Variants in MAPT observed in about 807,000 individuals in gnomAD.
MAPT encodes microtubule associated protein tau, also known as microtubule-associated protein tau.
MAPT carries 34 observed loss-of-function variants against 67.9 expected under a neutral mutation model. That is an observed-to-expected ratio of 0.50 (90% CI 0.38 to 0.67). The LOEUF is 0.67. Ranked by LOEUF, MAPT falls within the 30% of genes least tolerant of loss-of-function variation. The pLI is 0.00. For missense variants in MAPT, 881 were observed against 1,115.2 expected (o/e 0.79, Z 2.99); for synonymous variants, 456 against 464.5 (o/e 0.98, Z 0.23).
At chr17:45,932,594 C>CAAAAA (rs982542546) in intron 1 of MAPT, among the ~76,000 whole-genome samples, 9 of 50,018 alleles carry the variant, frequency 1.8e-4, no homozygotes, top group Admixed American at 2.2e-4. Context: ...GACTCCATCT[C>CAAAAA]AAAAAAAAAA....
At chr17:45,904,703 T>TCG (rs2064179502) in intron 1 of MAPT, among the ~76,000 whole-genome samples, 1 of 151,462 alleles carries the variant, frequency 6.6e-6, no homozygotes, top group Non-Finnish European at 1.5e-5. Flanking sequence ...AAACTTTTTT[T>TCG]TTTTAATTCT....
At chr17:45,929,594 T>C (rs1453036668) in intron 1 of MAPT, among the ~76,000 whole-genome samples, 1 of 152,200 alleles carries the variant, frequency 6.6e-6, no homozygotes, top group Non-Finnish European at 1.5e-5. Flanking sequence ...ATGGTCATCA[T>C]CGCCAGGCTT....
At chr17:45,924,397 A>G (rs567451656) in intron 1 of MAPT, among the ~76,000 whole-genome samples, 1 of 152,072 alleles carries the variant, frequency 6.6e-6, no homozygotes, top group East Asian at 1.9e-4. Context: ...AGTGCGGTCG[A>G]CTCCCAGATA....
At chr17:46,004,330 T>A (rs894308775) in intron 9 of MAPT, among the ~76,000 whole-genome samples, 13 of 152,098 alleles carry the variant, frequency 8.5e-5, no homozygotes, top group African/African-American at 3.1e-4. Flanking sequence ...CTGCTTTGGG[T>A]GCTCCAGGAA....
chr17:45,988,038 C>A (rs1202586560), intron 6 of MAPT, among the ~76,000 whole-genome samples: 1 of 152,184 alleles, frequency 6.6e-6, no homozygotes, highest in Non-Finnish European at 1.5e-5. Flanking sequence ...AGATCTATTA[C>A]CCTGGGCCTC....
chr17:46,002,565 C>T (rs867344030), intron 9 of MAPT, among the ~76,000 whole-genome samples: 2 of 152,056 alleles, frequency 1.3e-5, no homozygotes, highest in African/African-American at 4.8e-5. Context: ...GTCACTTTCT[C>T]GGAGGATGTC....
At chr17:46,012,168 G>C (rs1423706115) in intron 10 of MAPT, among the ~76,000 whole-genome samples, 1 of 152,182 alleles carries the variant, frequency 6.6e-6, no homozygotes, top group Non-Finnish European at 1.5e-5. Context: ...GTCAAGTCTG[G>C]TGCCCTGGTG....
rs537828700 is a variant in MAPT, at chr17:45,923,869, C to T, written c.-18+29183C>T. Among the ~76,000 whole-genome samples the T allele has an allele frequency of 6.6e-5, 10 of 152,324 alleles. No homozygotes were observed. In the South Asian group the frequency reaches 2.1e-3, roughly 32 times the overall value. The stretch of plus-strand genomic sequence containing the variant: ...CATGAATTTGGGCAAGTCGCTCAAC[C>T]TCTCCATGCCTGAGTTTCCTCATCT... On this transcript the variant is annotated intron_variant, in intron 1 of 12. Coordinates refer to ENST00000262410, the MANE Select transcript of MAPT (RefSeq NM_001377265.1).
rs181811117 is a variant in MAPT at position 45,922,853 on chromosome 17, T to C, written c.-18+28167T>C. Among the ~76,000 whole-genome samples the C allele has an allele frequency of 9.2e-5, 14 of 152,154 alleles. No individual in the cohort carries two copies. The East Asian group carries it at 2.5e-3, about 27-fold the overall frequency. On this transcript the variant is annotated intron_variant, in intron 1 of 12. Coordinates refer to ENST00000262410, the MANE Select transcript of MAPT (RefSeq NM_001377265.1). Reference sequence around the variant, plus strand: ...AAAAAATGGTGTTAACTAAACTCAGTCTCAAATCCTGAATAGGACTCAAGT... The same window carrying C: ...AAAAAATGGTGTTAACTAAACTCAGCCTCAAATCCTGAATAGGACTCAAGT...
At chr17:46,021,774 C>T (rs530139364) in intron 12 of MAPT, among the ~76,000 whole-genome samples, 1 of 152,270 alleles carries the variant, frequency 6.6e-6, no homozygotes, top group African/African-American at 2.4e-5. Flanking sequence ...TTCTTGGCTC[C>T]TTCTGTTTCA....
chr17:46,010,213 G>A lies in MAPT; in HGVS notation c.1999-97G>A, dbSNP rs188435368. ...TTGCGAGCAAGTAGGCGGGTCCAGGGTGGCGCATGTCACTCATCGAAAGTG... is the reference window on the plus strand; with the variant it reads ...TTGCGAGCAAGTAGGCGGGTCCAGGATGGCGCATGTCACTCATCGAAAGTG... On this transcript the variant is annotated intron_variant, in intron 9 of 12. Coordinates refer to ENST00000262410, the MANE Select transcript of MAPT (RefSeq NM_001377265.1). This position sits in a 1 kb window ranked among gnomAD's most constrained non-coding sequence, Gnocchi z 4.7. 9 of 805,410 alleles carry A rather than the reference G, an allele frequency of 1.1e-5. No homozygotes were observed. Among genetic ancestry groups the A allele is most frequent in the African/African-American group, 8.5e-5 (5 of 59,028 alleles). The allele number at this position is 805,410 out of a possible 1,614,324, so 49.9% of individuals were successfully genotyped here. A position where few individuals can be genotyped will look rare whatever the true frequency, so the allele number is the denominator to read the frequency against.
rs140863259 is a variant in MAPT, at chr17:46,006,315, T to C, written c.1999-3995T>C. Among the ~76,000 whole-genome samples, 4 of 152,320 alleles carry C rather than the reference T, an allele frequency of 2.6e-5. No individual in the cohort carries two copies. In the East Asian group the frequency reaches 7.7e-4, roughly 29 times the overall value. On this transcript the variant is annotated intron_variant, in intron 9 of 12. Transcript: ENST00000262410. ...ACATGGATGGAACTGGAGGACATTA[T>C]GTTAAGTGAAATAAGCCAGACAGAA...
intron 1 of MAPT, among the ~76,000 whole-genome samples, chr17:45,958,441 T>G (rs996879284): frequency 2.0e-5 from 3 of 152,044 alleles, no homozygotes; most frequent in Non-Finnish European, 2.9e-5. Flanking sequence ...TGAGAGTGGG[T>G]CGGCGCGGCG....
chr17:45,941,589 CCCTT>C (rs199554596), intron 1 of MAPT, among the ~76,000 whole-genome samples: 1,773 of 132,696 alleles, frequency 0.013, 52 homozygotes, highest in African/African-American at 0.043. Context: ...CCTTTGCCCG[CCCTT>C]CCTTCCTTCC....
chr17:45,962,410 G>T lies in MAPT; in HGVS notation c.73G>T (p.Asp25Tyr). 1 of 1,612,842 alleles carries T rather than the reference G, an allele frequency of 6.2e-7. No individual in the cohort carries two copies. The highest frequency in any genetic ancestry group is 8.5e-7 in the Non-Finnish European group (1 of 1,179,970). ...AGTYGLGDRK[D>Y]QGGYTMHQDQ... ...GACGTACGGGTTGGGGGACAGGAAA[G>T]ATCAGGGGGGCTACACCATGCACCA... The change falls in exon 2 of 13, where the codon GAT becomes TAT. Residue 25 changes from aspartate to tyrosine, a missense_variant. By Grantham distance (160) the Asp-to-Tyr change is radical. Transcript: ENST00000262410.
In MAPT at chr17:45,995,033, A is replaced by G. The variant is rs780141300; in HGVS notation, c.1733-1366A>G. On this transcript the variant is annotated intron_variant, in intron 8 of 12. Transcript: ENST00000262410. This position sits in a 1 kb window ranked among gnomAD's most constrained non-coding sequence, Gnocchi z 4.3. ...ATTGCACTCCAGCCTGGGCATCAGA[A>G]TAAGACTCCGTCTCAAAAAAAAAAC... Among the ~76,000 whole-genome samples, 4 of 151,926 alleles carry G rather than the reference A, an allele frequency of 2.6e-5. No individual in the cohort carries two copies. The highest frequency in any genetic ancestry group is 5.9e-5 in the Non-Finnish European group (4 of 67,956).
intron 8 of MAPT, among the ~76,000 whole-genome samples, chr17:45,992,606 C>T (rs2074151068): frequency 1.3e-5 from 2 of 151,970 alleles, no homozygotes; most frequent in African/African-American, 4.8e-5. Flanking sequence ...AGAACAGTCG[C>T]GGCTGGGCGT....
chr17:45,921,118 T>C (rs902226190), intron 1 of MAPT, among the ~76,000 whole-genome samples: 1 of 152,208 alleles, frequency 6.6e-6, no homozygotes. Context: ...ATCCCTTAGT[T>C]GTCCTGCTAG....
rs778599496 is a variant in MAPT, at chr17:45,971,930, A to G, written c.205A>G (p.Thr69Ala). The change falls in exon 3 of 13, where the codon ACT (threonine) becomes GCT (alanine). Residue 69 changes from threonine (T) to alanine (A), a missense_variant. By Grantham distance (58) the Thr-to-Ala change is moderately conservative. Transcript: ENST00000262410. This position sits in a 1 kb window ranked among gnomAD's most constrained non-coding sequence, Gnocchi z 4.3. ...CTCTGAAACCTCTGATGCTAAGAGCACTCCAACAGCGGAAGGTGGGCCCCC... is the reference window on the plus strand; with the variant it reads ...CTCTGAAACCTCTGATGCTAAGAGCGCTCCAACAGCGGAAGGTGGGCCCCC... ...PGSETSDAKS[T>A]PTAEAEEAGI... 6.2e-6 allele frequency: 10 copies of G among 1,613,836 alleles called. No homozygotes were observed. Among genetic ancestry groups the G allele is most frequent in the Non-Finnish European group, 8.5e-6 (10 of 1,179,934 alleles).
Sources: gnomAD v4.1 joint callset for allele counts (sites outside exome capture counted in the v4.1 genomes callset) on GRCh38, gnomAD v4.1.1 for gene constraint, Gnocchi (gnomAD v3.1) non-coding constraint, MANE v1.5 for transcripts, NCBI Gene and HGNC (gene_info 2026-07-23, HGNC 2026-07-21) for gene names.